The following SV2B variants were observed in gnomAD, a reference collection of about 807,000 sequenced individuals.
The protein encoded by SV2B is solute carrier family 22 member B2.
In SV2B, 41 loss-of-function variants were observed where a neutral mutation model predicts 73.9. The ratio of observed to expected loss-of-function variants is 0.56; its 90% CI spans 0.43 to 0.72. The LOEUF (loss-of-function observed/expected upper bound fraction) is 0.72. Among genes scored for constraint, SV2B ranks in the 30% least tolerant of loss-of-function variants. SV2B has a pLI of 0.00. For synonymous variants in SV2B, 314 were observed against 314.2 expected, an observed-to-expected ratio of 1.00 and a Z score of 0.01; for missense variants, 764 against 857.8, an observed-to-expected ratio of 0.89 and a Z score of 1.37.
In SV2B at chr15:91,100,570, T is replaced by C. The variant is rs536955689; in HGVS notation, c.-392+207T>C. 3.5e-4 allele frequency among the ~76,000 whole-genome samples: 54 copies of C among 152,376 alleles called. No homozygotes were observed. Among genetic ancestry groups the C allele is most frequent in the Non-Finnish European group, 7.1e-4 (48 of 68,040 alleles). ...AGGACTTGCCCGCTGCCTGGAGCTG[T>C]GCGCTTCTTTGAAAGCGGCCTCCCC... On this transcript the variant is annotated intron_variant, in intron 1 of 12. Transcript: ENST00000394232. This position sits in a 1 kb window ranked among gnomAD's most constrained non-coding sequence, Gnocchi z 6.4.
At chr15:91,147,920 G>T (rs2043191154) in intron 1 of SV2B, among the ~76,000 whole-genome samples, 1 of 128,264 alleles carries the variant, frequency 7.8e-6, no homozygotes, top group South Asian at 2.8e-4. Flanking sequence ...AAGGATGGAA[G>T]AAACAACAGT....
rs927732802 is a variant in SV2B at position 91,298,413 on chromosome 15, G to A, written c.*5861G>A. The A allele has an allele frequency of 1.3e-5, 2 of 152,220 alleles. No individual in the cohort carries two copies. The highest frequency in any genetic ancestry group is 2.9e-5 in the Non-Finnish European group (2 of 68,042). 9.4% of individuals were successfully genotyped at this position (152,220 alleles called of 1,614,324 possible). On this transcript the variant is annotated 3_prime_UTR_variant, in exon 13 of 13. Transcript: ENST00000394232. This position sits in a 1 kb window ranked among gnomAD's most constrained non-coding sequence, Gnocchi z 5.4. ...GCTTAAAGTACATTTTGTTTGATTT[G>A]CAGAGGCATGGTGAGGAATTTATAT...
chr15:91,165,285 C>G (rs997017941), intron 1 of SV2B, among the ~76,000 whole-genome samples: 1 of 152,080 alleles, frequency 6.6e-6, no homozygotes, highest in Non-Finnish European at 1.5e-5. Context: ...GAGCCGAGAT[C>G]GCATCATTGC....
intron 1 of SV2B, among the ~76,000 whole-genome samples, chr15:91,170,891 G>A (rs369397922): frequency 1.4e-4 from 21 of 151,954 alleles, no homozygotes; most frequent in Admixed American, 9.8e-4. Flanking sequence ...TTTGAATAAC[G>A]TGTATCTTGG....
rs2042966604 is a variant in SV2B at position 91,140,484 on chromosome 15, G to A, written c.-392+40121G>A. Among the ~76,000 whole-genome samples, 1 of 152,062 alleles carries A rather than the reference G, an allele frequency of 6.6e-6. No individual in the cohort carries two copies. Among genetic ancestry groups the A allele is most frequent in the African/African-American group, 2.4e-5 (1 of 41,404 alleles). On this transcript the variant is annotated intron_variant, in intron 1 of 12. Transcript: ENST00000394232. The surrounding 1 kb of genome is among the most constrained non-coding windows in gnomAD (Gnocchi z 4.4). ...TATCTCTCCTGTGTGCCAATTCGTGGAGTTCCTCCAAATGAACTTCCCACA... is the reference window on the plus strand; with the variant it reads ...TATCTCTCCTGTGTGCCAATTCGTGAAGTTCCTCCAAATGAACTTCCCACA...
chr15:91,131,651 GAA>G (rs111276085), intron 1 of SV2B, among the ~76,000 whole-genome samples: 22 of 142,954 alleles, frequency 1.5e-4, no homozygotes, highest in African/African-American at 5.6e-4. Flanking sequence ...CAAAAAATTT[GAA>G]AAAAAAAAAC....
rs1252281783 is a variant in SV2B at position 91,290,995 on chromosome 15, C to T, written c.1868+1315C>T. ...CAACACTGCACACCAACCTGGGTGA[C>T]AGAGACAGACCCTGTCTCAGAAAAT... is the stretch of plus-strand genomic sequence containing the variant. On this transcript the variant is annotated intron_variant, in intron 12 of 12. Transcript: ENST00000394232. This position sits in a 1 kb window ranked among gnomAD's most constrained non-coding sequence, Gnocchi z 4.7. 6.6e-6 allele frequency among the ~76,000 whole-genome samples: 1 copy of T among 151,584 alleles called. No homozygotes were observed. Among genetic ancestry groups the T allele is most frequent in the Non-Finnish European group, 1.5e-5 (1 of 67,938 alleles).
intron 1 of SV2B, among the ~76,000 whole-genome samples, chr15:91,183,966 C>CAA (rs3082124): frequency 0.31 from 46,597 of 151,190 alleles, 7,951 homozygotes; most frequent in East Asian, 0.69. Flanking sequence ...CGCCTGGGGA[C>CAA]AAAAAAAACT....
At position 91,265,676 on chromosome 15, in the gene SV2B, G is replaced by T. The variant is rs538327048; in HGVS notation, c.1009-906G>T. Among the ~76,000 whole-genome samples, 2 of 152,294 alleles carry T rather than the reference G, an allele frequency of 1.3e-5. No individual in the cohort carries two copies. Among genetic ancestry groups the T allele is most frequent in the East Asian group, 1.9e-4 (1 of 5,180 alleles). On this transcript the variant is annotated intron_variant, in intron 6 of 12. Transcript: ENST00000394232. This position sits in a 1 kb window ranked among gnomAD's most constrained non-coding sequence, Gnocchi z 4.2. ...AGAGTTCAGCTGCAGAGCCTGCTTT[G>T]TTAGTTCTGAAGCTTCTCTGTCTGA...
Position 91,267,305 on chromosome 15 carries a change from C to T in SV2B, c.1120-250C>T, listed in dbSNP as rs1169212479. 6.6e-6 allele frequency among the ~76,000 whole-genome samples: 1 copy of T among 152,210 alleles called. No homozygotes were observed. Among genetic ancestry groups the T allele is most frequent in the East Asian group, 1.9e-4 (1 of 5,194 alleles). ...TCCTAACTCAGTGTGCTTTCAATCA[C>T]ATTCATGGAATGCTGTGCTCCCGGG... is the stretch of plus-strand genomic sequence containing the variant. On this transcript the variant is annotated intron_variant, in intron 7 of 12. Transcript: ENST00000394232. The surrounding 1 kb of genome is among the most constrained non-coding windows in gnomAD (Gnocchi z 4.3).
rs973564112 is a variant in SV2B, at chr15:91,223,312, C to A, written c.-391-2561C>A. Among the ~76,000 whole-genome samples, 12 of 152,282 alleles carry A rather than the reference C, an allele frequency of 7.9e-5. No homozygotes were observed. The highest frequency in any genetic ancestry group is 2.9e-4 in the African/African-American group (12 of 41,550). Reference sequence around the variant, plus strand: ...TATAGGGACACAATTCAGCCAGTACCATTGAAAATGATTAATAGTTGTGTT... The same window carrying A: ...TATAGGGACACAATTCAGCCAGTACAATTGAAAATGATTAATAGTTGTGTT... On this transcript the variant is annotated intron_variant, in intron 1 of 12. Transcript: ENST00000394232. The surrounding 1 kb of genome is among the most constrained non-coding windows in gnomAD (Gnocchi z 4.6).
chr15:91,157,348 C>A (rs1164561971), intron 1 of SV2B, among the ~76,000 whole-genome samples: 4 of 152,042 alleles, frequency 2.6e-5, no homozygotes, highest in African/African-American at 9.7e-5. Context: ...GGGTTCAAAG[C>A]CCCATGGGAG....
At chr15:91,250,654 T>C (rs1367302403) in intron 2 of SV2B, among the ~76,000 whole-genome samples, 1 of 152,144 alleles carries the variant, frequency 6.6e-6, no homozygotes, top group Non-Finnish European at 1.5e-5. Context: ...AATAGTAATG[T>C]TTCTATATGC....
Position 91,283,924 on chromosome 15 carries a change from C to T in SV2B, c.1508-97C>T. 1 of 1,309,690 alleles carries T rather than the reference C, an allele frequency of 7.6e-7. No homozygotes were observed. The allele number at this position is 1,309,690 out of a possible 1,614,324, so 81.1% of individuals were successfully genotyped here. A position where few individuals can be genotyped will look rare whatever the true frequency, so the allele number is the denominator to read the frequency against. ...TCTGACTGGCAAAGGCTGGCACAGC[C>T]TGCCTACAGGAGGGGGCAGACTTCA... On this transcript the variant is annotated intron_variant, in intron 10 of 12. Coordinates refer to ENST00000394232, the MANE Select transcript of SV2B (RefSeq NM_001323032.3). The surrounding 1 kb of genome is among the most constrained non-coding windows in gnomAD (Gnocchi z 4.3).
chr15:91,136,265 G>T lies in SV2B; in HGVS notation c.-392+35902G>T, dbSNP rs2042821488. On this transcript the variant is annotated intron_variant, in intron 1 of 12. Coordinates refer to ENST00000394232, the MANE Select transcript of SV2B (RefSeq NM_001323032.3). The surrounding 1 kb of genome is among the most constrained non-coding windows in gnomAD (Gnocchi z 5.6). ...CATACTCAGATGCAGTGTAGCATAG[G>T]TATAAACCTCAGATTAGTCGGGAGA... Among the ~76,000 whole-genome samples, 1 of 152,176 alleles carries T rather than the reference G, an allele frequency of 6.6e-6. No individual in the cohort carries two copies. The highest frequency in any genetic ancestry group is 2.4e-5 in the African/African-American group (1 of 41,430).
At chr15:91,168,331 A>AGAGAGAGAG (rs58086579) in intron 1 of SV2B, among the ~76,000 whole-genome samples, 9 of 151,026 alleles carry the variant, frequency 6.0e-5, no homozygotes, top group Non-Finnish European at 7.4e-5. Flanking sequence ...AGAGAGAGAG[A>AGAGAGAGAG]AAAGAAATTT....
chr15:91,159,007 C>T (rs1271297166), intron 1 of SV2B, among the ~76,000 whole-genome samples: 1 of 151,980 alleles, frequency 6.6e-6, no homozygotes, highest in Non-Finnish European at 1.5e-5. Context: ...TGCTTAAAGG[C>T]AGTTTGGGCT....
intron 1 of SV2B, among the ~76,000 whole-genome samples, chr15:91,196,637 G>C (rs1320813202): frequency 6.6e-6 from 1 of 152,228 alleles, no homozygotes; most frequent in African/African-American, 2.4e-5. Context: ...TTAAAGGCAG[G>C]TGGATTCAGC....
At position 91,301,862 on chromosome 15, in the gene SV2B, A is replaced by G. The variant is rs2049454460; in HGVS notation, c.*9310A>G. 6.6e-6 allele frequency among the ~76,000 whole-genome samples: 1 copy of G among 152,296 alleles called. No individual in the cohort carries two copies. Among genetic ancestry groups the G allele is most frequent in the African/African-American group, 2.4e-5 (1 of 41,564 alleles). ...CACGTTGGCGCTCAAAAAGTTTTCAATTTGGGAGCATTTCGGATTTTTGAC... is the reference window on the plus strand; with the variant it reads ...CACGTTGGCGCTCAAAAAGTTTTCAGTTTGGGAGCATTTCGGATTTTTGAC... On this transcript the variant is annotated 3_prime_UTR_variant, in exon 13 of 13. Coordinates refer to ENST00000394232, the MANE Select transcript of SV2B (RefSeq NM_001323032.3). This position sits in a 1 kb window ranked among gnomAD's most constrained non-coding sequence, Gnocchi z 4.3.
Sources: allele counts gnomAD v4.1 joint callset (sites outside exome capture counted in the v4.1 genomes callset), GRCh38; gene constraint gnomAD v4.1.1; non-coding constraint Gnocchi (gnomAD v3.1); transcripts MANE v1.5; gene names NCBI Gene and HGNC (gene_info 2026-07-23, HGNC 2026-07-21).